The following SLCO6A1 variants were observed in gnomAD, a reference collection of about 807,000 sequenced individuals.
SLCO6A1 encodes the protein solute carrier organic anion transporter family member 6A1, also known as cancer/testis antigen 48.
In SLCO6A1, 65 loss-of-function variants were observed where a neutral mutation model predicts 72.7. The observed-to-expected ratio is 0.89, with a 90% CI of 0.73 to 1.10. The LOEUF is 1.10. SLCO6A1 is among the 50% of genes least tolerant of loss of function. The pLI, the probability that SLCO6A1 is intolerant of heterozygous loss-of-function variation, is 0.00. For missense variants in SLCO6A1, 874 were observed against 872.6 expected (o/e 1.00, Z -0.02); for synonymous variants, 314 against 298.2 (o/e 1.05, Z -0.55).
intron 7 of SLCO6A1, among the ~76,000 whole-genome samples, chr5:102,433,381 T>C (rs558718484): frequency 6.6e-6 from 1 of 152,340 alleles, no homozygotes; most frequent in South Asian, 2.1e-4. Flanking sequence ...TGCTTTTTTA[T>C]CTTTGTGGGC....
Position 102,463,658 on chromosome 5 carries a change from G to A in SLCO6A1, c.900-3881C>T, listed in dbSNP as rs567240004. 6.0e-4 allele frequency among the ~76,000 whole-genome samples: 92 copies of A among 152,150 alleles called. 1 individual carries two copies. Among genetic ancestry groups the A allele is most frequent in the African/African-American group, 1.8e-3 (76 of 41,514 alleles). Reference sequence around the variant, plus strand: ...TCCCAGCACTTTGGGAGGCCGAGGCGGGGGGATCACCTGAGCTCGGGAGTT... The same window carrying A: ...TCCCAGCACTTTGGGAGGCCGAGGCAGGGGGATCACCTGAGCTCGGGAGTT... On this transcript the variant is annotated intron_variant, in intron 4 of 13. Coordinates refer to ENST00000506729, the MANE Select transcript of SLCO6A1 (RefSeq NM_173488.5).
chr5:102,382,371 T>C (rs1746156604), intron 12 of SLCO6A1, among the ~76,000 whole-genome samples: 1 of 151,864 alleles, frequency 6.6e-6, no homozygotes, highest in South Asian at 2.1e-4. Context: ...CCATGCTGTT[T>C]TGGTTACTAT....
At chr5:102,491,862 A>G (rs1752696384) in intron 1 of SLCO6A1, among the ~76,000 whole-genome samples, 1 of 152,264 alleles carries the variant, frequency 6.6e-6, no homozygotes, top group Admixed American at 6.5e-5. Flanking sequence ...GAGGAGGTGC[A>G]GAGAGCGAGC....
intron 1 of SLCO6A1, among the ~76,000 whole-genome samples, chr5:102,488,334 A>T (rs1752530089): frequency 6.6e-6 from 1 of 152,222 alleles, no homozygotes; most frequent in Admixed American, 6.5e-5. Context: ...GTAAAATCAT[A>T]GAAAATAGCA....
At chr5:102,498,387 TG>T in intron 1 of SLCO6A1, 99 bp downstream of exon 1, 1 of 1,188,302 alleles carries the variant, frequency 8.4e-7, no homozygotes, top group Non-Finnish European at 1.2e-6. Context: ...CAGGGCATGC[TG>T]GGCCACCCCA....
At chr5:102,382,445 G>T (rs1275466998) in intron 12 of SLCO6A1, among the ~76,000 whole-genome samples, 1 of 151,522 alleles carries the variant, frequency 6.6e-6, no homozygotes, top group African/African-American at 2.4e-5. Flanking sequence ...TTTTGCCAAA[G>T]ATTGTATTGG....
At chr5:102,397,061 GTTCTT>G (rs1334293109) in intron 10 of SLCO6A1, among the ~76,000 whole-genome samples, 1 of 152,060 alleles carries the variant, frequency 6.6e-6, no homozygotes, top group Non-Finnish European at 1.5e-5. Flanking sequence ...AGAGGATCTA[GTTCTT>G]TTCTTCTGTT....
intron 4 of SLCO6A1, among the ~76,000 whole-genome samples, chr5:102,465,210 G>T (rs1460117677): frequency 2.0e-5 from 3 of 152,050 alleles, no homozygotes; most frequent in African/African-American, 4.8e-5. Flanking sequence ...TGAATAGCAG[G>T]AACTTTATGC....
rs780550410 is a variant in SLCO6A1, at chr5:102,475,688, A to G, written c.899+9T>C. 1.0e-5 allele frequency: 16 copies of G among 1,579,396 alleles called. No individual in the cohort carries two copies. The African/African-American group carries it at 2.0e-4, about 20-fold the overall frequency. On this transcript the variant is annotated intron_variant, in intron 4 of 13. Coordinates refer to ENST00000506729, the MANE Select transcript of SLCO6A1 (RefSeq NM_173488.5). ...AATGTAAACAAAAAAAGAAAAAATA[A>G]TGCCTTACTTTGTTGCAGAAGTAGT...
chr5:102,485,782 A>C (rs1191493410), intron 1 of SLCO6A1, among the ~76,000 whole-genome samples: 2 of 152,176 alleles, frequency 1.3e-5, no homozygotes, highest in East Asian at 3.9e-4. Flanking sequence ...AGCTTATTTT[A>C]AGTCCTGTGA....
In SLCO6A1 at chr5:102,480,218, G is replaced by T; in HGVS notation, c.575C>A (p.Ser192Tyr). 6.2e-7 allele frequency: 1 copy of T among 1,611,122 alleles called. No homozygotes were observed. Among genetic ancestry groups the T allele is most frequent in the Non-Finnish European group, 8.5e-7 (1 of 1,178,504 alleles). ...ACTTTGTTTATTTTCTTCATTAATG[G>T]ATGGAAAAGCACATAAAAGTGATCC... ...GLGSLLCAFP[S>Y]INEENKQSKV... is the part of the protein sequence containing the mutation. Residue 192 changes from serine to tyrosine, a missense_variant, in exon 2 of 14, where the codon TCC (serine) becomes TAC (tyrosine). Ser to Tyr is a moderately radical substitution (Grantham distance 144). Coordinates refer to ENST00000506729, the MANE Select transcript of SLCO6A1 (RefSeq NM_173488.5).
chr5:102,404,764 A>C (rs981833049), intron 9 of SLCO6A1, among the ~76,000 whole-genome samples: 17 of 152,202 alleles, frequency 1.1e-4, no homozygotes, highest in African/African-American at 4.1e-4. Flanking sequence ...AAAATATCCA[A>C]GTTTTGTGGG....
intron 12 of SLCO6A1, among the ~76,000 whole-genome samples, chr5:102,387,246 T>G (rs1011219054): frequency 6.6e-6 from 1 of 152,214 alleles, no homozygotes; most frequent in Non-Finnish European, 1.5e-5. Flanking sequence ...AAAAATATAC[T>G]GGCTTACACT....
chr5:102,406,567 A>C (rs1357310275), intron 9 of SLCO6A1, among the ~76,000 whole-genome samples: 1 of 152,124 alleles, frequency 6.6e-6, no homozygotes, highest in African/African-American at 2.4e-5. Flanking sequence ...AGTGACAAGA[A>C]AATTTGGCTT....
intron 7 of SLCO6A1, among the ~76,000 whole-genome samples, chr5:102,436,856 T>A (rs1464210467): frequency 6.6e-6 from 1 of 152,218 alleles, no homozygotes; most frequent in East Asian, 1.9e-4. Flanking sequence ...ACTTATATTC[T>A]CATTTTGGGA....
intron 9 of SLCO6A1, among the ~76,000 whole-genome samples, chr5:102,409,443 T>C (rs1747850794): frequency 2.0e-5 from 3 of 152,094 alleles, no homozygotes; most frequent in Admixed American, 1.3e-4. Context: ...TACTTGATCA[T>C]TTTTTGTATA....
In SLCO6A1 at chr5:102,393,058, TA is replaced by T. The variant is rs536585497; in HGVS notation, c.1815-2014del. Among the ~76,000 whole-genome samples the T allele has an allele frequency of 8.1e-3, 1,236 of 152,274 alleles. 12 individuals are homozygous for T. Among genetic ancestry groups the T allele is most frequent in the Non-Finnish European group, 0.015 (1,007 of 68,010 alleles). ...TAATCAGTAGATCCAATACTGTCATTAAAAAATTTTTTTCATATCTCTTTTT... is the reference window on the plus strand; with the variant it reads ...TAATCAGTAGATCCAATACTGTCATTAAAAATTTTTTTCATATCTCTTTTT... On this transcript the variant is annotated intron_variant, in intron 10 of 13. Coordinates refer to ENST00000506729, the MANE Select transcript of SLCO6A1 (RefSeq NM_173488.5).
At chr5:102,424,663 T>C (rs1056484974) in intron 7 of SLCO6A1, among the ~76,000 whole-genome samples, 1 of 152,114 alleles carries the variant, frequency 6.6e-6, no homozygotes, top group African/African-American at 2.4e-5. Context: ...CAGGATCAGA[T>C]GGATCGACAG....
At chr5:102,423,602 A>C (rs755300120) in intron 7 of SLCO6A1, among the ~76,000 whole-genome samples, 4 of 152,194 alleles carry the variant, frequency 2.6e-5, no homozygotes, top group Non-Finnish European at 5.9e-5. Flanking sequence ...ACCCAATACA[A>C]GAGCACCAAG....
Sources: allele counts gnomAD v4.1 joint callset (sites outside exome capture counted in the v4.1 genomes callset), GRCh38; gene constraint gnomAD v4.1.1; transcripts MANE v1.5; gene names NCBI Gene and HGNC (gene_info 2026-07-23, HGNC 2026-07-21).